KCNQ5: variants seen among roughly 807,000 people sequenced by gnomAD.
KCNQ5 encodes the protein potassium voltage-gated channel subfamily Q member 5, also known as potassium voltage-gated channel subfamily KQT member 5.
A neutral mutation model predicts 98.2 loss-of-function variants in KCNQ5; 30 were observed. That is an observed-to-expected ratio of 0.31 (90% CI 0.23 to 0.41). KCNQ5 has a LOEUF of 0.41. Among genes scored for constraint, KCNQ5 ranks in the 10% least tolerant of loss-of-function variants. The probability of loss-of-function intolerance (pLI) is 1.00; values close to 1 mark genes in which losing one functional copy is unlikely to be tolerated. For synonymous variants in KCNQ5, 458 were observed against 449.4 expected (o/e 1.02, Z -0.24); for missense variants, 835 against 1,182.5 (o/e 0.71, Z 4.31).
At chr6:73,193,990 C>T (rs938791247) in intron 13 of KCNQ5, among the ~76,000 whole-genome samples, 4 of 152,154 alleles carry the variant, frequency 2.6e-5, no homozygotes, top group Admixed American at 2.6e-4. Flanking sequence ...GCATGCACCA[C>T]CACACCTGGC....
At chr6:72,628,663 G>A (rs150227641) in intron 1 of KCNQ5, among the ~76,000 whole-genome samples, 3,426 of 152,232 alleles carry the variant, frequency 0.023, 54 homozygotes, top group African/African-American at 0.045. Flanking sequence ...AGGCTGGAGT[G>A]CAGTGGTGTG....
At chr6:72,745,731 G>T (rs1485447415) in intron 1 of KCNQ5, among the ~76,000 whole-genome samples, 1 of 152,124 alleles carries the variant, frequency 6.6e-6, no homozygotes, top group Non-Finnish European at 1.5e-5. Flanking sequence ...TGGTTCAAAA[G>T]AACAGAAATG....
At chr6:72,984,027 A>G (rs1255997763) in intron 1 of KCNQ5, among the ~76,000 whole-genome samples, 1 of 152,206 alleles carries the variant, frequency 6.6e-6, no homozygotes, top group Non-Finnish European at 1.5e-5. Flanking sequence ...GAGGCTGCAG[A>G]ACAGCAAATA....
At chr6:72,849,522 TG>T (rs1777160015) in intron 1 of KCNQ5, among the ~76,000 whole-genome samples, 3 of 152,182 alleles carry the variant, frequency 2.0e-5, no homozygotes, top group Admixed American at 1.3e-4. Context: ...TAAATAGGTT[TG>T]AGAAGTCCAG....
intron 1 of KCNQ5, among the ~76,000 whole-genome samples, chr6:72,778,862 CAA>C (rs1157315064): frequency 1.3e-5 from 2 of 152,062 alleles, no homozygotes; most frequent in African/African-American, 2.4e-5. Context: ...GTTTTCAAAA[CAA>C]AGTGATCAAT....
intron 1 of KCNQ5, among the ~76,000 whole-genome samples, chr6:72,973,336 A>G (rs1767994199): frequency 6.6e-6 from 1 of 152,138 alleles, no homozygotes; most frequent in Middle Eastern, 3.4e-3. Context: ...AACCTAAGTC[A>G]CTCAAAAGAA....
intron 1 of KCNQ5, among the ~76,000 whole-genome samples, chr6:72,885,074 G>A (rs1334345218): frequency 6.6e-6 from 1 of 152,078 alleles, no homozygotes; most frequent in Non-Finnish European, 1.5e-5. Flanking sequence ...TAGTTATGAA[G>A]ATTAATATGA....
chr6:72,959,307 C>T (rs1249001764), intron 1 of KCNQ5, among the ~76,000 whole-genome samples: 2 of 152,160 alleles, frequency 1.3e-5, no homozygotes, highest in Non-Finnish European at 2.9e-5. Context: ...TTTGATATTT[C>T]ATTTATATGC....
At chr6:72,721,055 C>T (rs1187387112) in intron 1 of KCNQ5, among the ~76,000 whole-genome samples, 1 of 152,144 alleles carries the variant, frequency 6.6e-6, no homozygotes, top group Non-Finnish European at 1.5e-5. Context: ...TCATTTCCTA[C>T]CTATGTGATA....
intron 1 of KCNQ5, among the ~76,000 whole-genome samples, chr6:72,678,061 A>C (rs959691527): frequency 1.3e-5 from 2 of 152,194 alleles, no homozygotes; most frequent in African/African-American, 4.8e-5. Flanking sequence ...TAAAGGATGA[A>C]TGGTTTCTTG....
chr6:73,105,472 C>A, intron 6 of KCNQ5, 105 bp downstream of exon 6: 1 of 549,610 alleles, frequency 1.8e-6, no homozygotes, highest in African/African-American at 1.9e-5. Flanking sequence ...ATATCATTTA[C>A]AAATATAATT....
chr6:72,945,707 G>T (rs919419145), intron 1 of KCNQ5, among the ~76,000 whole-genome samples: 1 of 151,740 alleles, frequency 6.6e-6, no homozygotes, highest in African/African-American at 2.4e-5. Flanking sequence ...TGCCTGCCTC[G>T]GCCTCCCAAA....
At chr6:72,979,810 T>A (rs554158576) in intron 1 of KCNQ5, among the ~76,000 whole-genome samples, 83 of 152,338 alleles carry the variant, frequency 5.4e-4, no homozygotes, top group African/African-American at 1.8e-3. Flanking sequence ...TGGTTTTAGG[T>A]CTAACATTTA....
intron 1 of KCNQ5, among the ~76,000 whole-genome samples, chr6:72,874,050 A>G (rs867756874): frequency 6.6e-6 from 1 of 151,802 alleles, no homozygotes; most frequent in Non-Finnish European, 1.5e-5. Context: ...TTATATTTAT[A>G]TTTCTAAAAT....
intron 10 of KCNQ5, among the ~76,000 whole-genome samples, chr6:73,165,074 G>A (rs952342561): frequency 5.3e-5 from 8 of 152,050 alleles, no homozygotes; most frequent in Non-Finnish European, 1.2e-4. Context: ...GAACTCCTGG[G>A]CTGAAGCTAT....
intron 5 of KCNQ5, among the ~76,000 whole-genome samples, chr6:73,101,706 C>T (rs1774782191): frequency 6.6e-6 from 1 of 151,862 alleles, no homozygotes; most frequent in South Asian, 2.1e-4. Context: ...AGTGAAAGAT[C>T]TCTACAAAGA....
intron 1 of KCNQ5, among the ~76,000 whole-genome samples, chr6:72,791,298 T>C (rs1040539972): frequency 2.6e-5 from 4 of 152,222 alleles, no homozygotes; most frequent in African/African-American, 9.6e-5. Context: ...CGTGTGTGCA[T>C]GTGCGCACTG....
Position 73,195,455 on chromosome 6 carries a change from T to C in KCNQ5, c.*41T>C, listed in dbSNP as rs367569726. ...TCCAGGCATAGCAGTTCTTTAGCCA[T>C]ACATATCATTGCATGAACTATTTCG... is the stretch of plus-strand genomic sequence containing the variant. On this transcript the variant is annotated 3_prime_UTR_variant, in exon 14 of 14. Transcript: ENST00000370398. 7.6e-6 allele frequency: 12 copies of C among 1,583,926 alleles called. No homozygotes were observed. In the African/African-American group the frequency reaches 9.5e-5, roughly 12 times the overall value.
chr6:72,867,659 T>C (rs777370322), intron 1 of KCNQ5, among the ~76,000 whole-genome samples: 3 of 152,178 alleles, frequency 2.0e-5, no homozygotes, highest in Non-Finnish European at 4.4e-5. Context: ...AGATTCTGGC[T>C]GAGTATGGTG....
Sources: allele counts gnomAD v4.1 joint callset (sites outside exome capture counted in the v4.1 genomes callset), GRCh38; gene constraint gnomAD v4.1.1; transcripts MANE v1.5; gene names NCBI Gene and HGNC (gene_info 2026-07-23, HGNC 2026-07-21).